FHOD3: variants seen among roughly 807,000 people sequenced by gnomAD.
FHOD3 encodes formin homology 2 domain containing 3.
In FHOD3, 90 loss-of-function variants were observed where a neutral mutation model predicts 173.0. The observed-to-expected ratio is 0.52, with a 90% CI of 0.44 to 0.62. The LOEUF (loss-of-function observed/expected upper bound fraction) is 0.62. FHOD3 is among the 20% of genes least tolerant of loss of function. The pLI is 0.00. For synonymous variants in FHOD3, 828 were observed against 823.0 expected (o/e 1.01, Z -0.10); for missense variants, 1,945 against 2,034.7 (o/e 0.96, Z 0.85).
intron 3 of FHOD3, among the ~76,000 whole-genome samples, chr18:36,438,724 C>T (rs1031967055): frequency 7.2e-5 from 11 of 152,318 alleles, no homozygotes; most frequent in African/African-American, 9.6e-5. Context: ...TGCCCTGCCT[C>T]GGCTCAGGCC....
At chr18:36,537,718 C>G (rs2057052966) in intron 5 of FHOD3, among the ~76,000 whole-genome samples, 1 of 152,150 alleles carries the variant, frequency 6.6e-6, no homozygotes, top group South Asian at 2.1e-4. Flanking sequence ...ACTGATAGAA[C>G]TGCAGAGAGA....
At chr18:36,327,422 G>T (rs375865386) in intron 1 of FHOD3, among the ~76,000 whole-genome samples, 6 of 152,202 alleles carry the variant, frequency 3.9e-5, no homozygotes, top group African/African-American at 9.6e-5. Context: ...GGCAAAAACC[G>T]CAATTACTTT....
At chr18:36,604,002 T>A (rs1406577999) in intron 8 of FHOD3, among the ~76,000 whole-genome samples, 2 of 152,190 alleles carry the variant, frequency 1.3e-5, no homozygotes, top group African/African-American at 4.8e-5. Flanking sequence ...CCTCTTGCTG[T>A]CATTCCTCCT....
chr18:36,688,043 T>G (rs1327124349), intron 16 of FHOD3, among the ~76,000 whole-genome samples: 1 of 152,172 alleles, frequency 6.6e-6, no homozygotes, highest in African/African-American at 2.4e-5. Context: ...AAAACTCTGG[T>G]GTTGATCAGT....
chr18:36,447,740 G>A (rs950946184), intron 3 of FHOD3, among the ~76,000 whole-genome samples: 4 of 152,292 alleles, frequency 2.6e-5, no homozygotes, highest in African/African-American at 7.2e-5. Flanking sequence ...AACTGCAACA[G>A]GTTAAGTTTA....
intron 10 of FHOD3, among the ~76,000 whole-genome samples, chr18:36,631,120 G>A (rs1236013922): frequency 6.6e-6 from 1 of 152,206 alleles, no homozygotes; most frequent in Non-Finnish European, 1.5e-5. Flanking sequence ...TGAGCTGCAG[G>A]GAGAAGTCTG....
chr18:36,587,277 T>C (rs1275748859), intron 6 of FHOD3, among the ~76,000 whole-genome samples: 2 of 151,894 alleles, frequency 1.3e-5, no homozygotes, highest in African/African-American at 2.4e-5. Flanking sequence ...TGCATGAGAG[T>C]TAGATGATAA....
rs755671156 is a variant in FHOD3 at position 36,717,881 on chromosome 18, C to T, written c.2583C>T (p.Gly861=). 1.1e-5 allele frequency: 17 copies of T among 1,609,678 alleles called. No homozygotes were observed. Among genetic ancestry groups the T allele is most frequent in the African/African-American group, 8.0e-5 (6 of 74,854 alleles). The change falls in exon 19 of 29, where the codon GGC becomes GGT. Residue 861 remains glycine (G), a synonymous_variant. Coordinates refer to ENST00000590592, the MANE Select transcript of FHOD3 (RefSeq NM_001281740.3). ...VQDAGVNGQC[G]DILTNKRFML... ...ATGCAGGTGTAAATGGACAGTGTGGCGACATCCTCACCAACAAACGGTTCA... is the reference window on the plus strand; with the variant it reads ...ATGCAGGTGTAAATGGACAGTGTGGTGACATCCTCACCAACAAACGGTTCA...
At chr18:36,323,332 A>G (rs1320322150) in intron 1 of FHOD3, among the ~76,000 whole-genome samples, 1 of 152,194 alleles carries the variant, frequency 6.6e-6, no homozygotes, top group African/African-American at 2.4e-5. Flanking sequence ...ACTGCACTAG[A>G]TGGGAATATC....
chr18:36,551,069 T>C (rs1034713099), intron 5 of FHOD3, among the ~76,000 whole-genome samples: 2 of 152,214 alleles, frequency 1.3e-5, no homozygotes, highest in African/African-American at 4.8e-5. Flanking sequence ...ATGTCCTTTA[T>C]CAAGTTGAGG....
chr18:36,414,191 G>A (rs530750696), intron 3 of FHOD3, among the ~76,000 whole-genome samples: 4 of 152,174 alleles, frequency 2.6e-5, no homozygotes, highest in East Asian at 1.9e-4. Flanking sequence ...TTGAGGACCC[G>A]TCATGTATCA....
intron 3 of FHOD3, among the ~76,000 whole-genome samples, chr18:36,442,282 T>G (rs1488701272): frequency 6.6e-6 from 1 of 152,152 alleles, no homozygotes; most frequent in African/African-American, 2.4e-5. Flanking sequence ...AGCAGTTGAT[T>G]TTTTTTTCCT....
intron 27 of FHOD3, among the ~76,000 whole-genome samples, chr18:36,762,899 T>G (rs1040812334): frequency 4.0e-5 from 6 of 148,216 alleles, no homozygotes; most frequent in Non-Finnish European, 7.4e-5. Flanking sequence ...ATATAATATG[T>G]GTATTATACA....
intron 3 of FHOD3, among the ~76,000 whole-genome samples, chr18:36,383,050 T>C (rs896946628): frequency 2.6e-5 from 4 of 152,072 alleles, no homozygotes; most frequent in African/African-American, 7.2e-5. Context: ...CCACGGGGAG[T>C]GCCCTGTCTG....
chr18:36,602,894 A>T, intron 8 of FHOD3, 126 bp downstream of exon 8: 1 of 732,074 alleles, frequency 1.4e-6, no homozygotes. Flanking sequence ...TCTGGTTGTG[A>T]GGGTGGGCTC....
chr18:36,547,663 G>A (rs1407852593), intron 5 of FHOD3, among the ~76,000 whole-genome samples: 1 of 152,142 alleles, frequency 6.6e-6, no homozygotes, highest in East Asian at 1.9e-4. Flanking sequence ...AACACGGGAG[G>A]GAGGAAACCT....
intron 3 of FHOD3, among the ~76,000 whole-genome samples, chr18:36,413,625 G>C (rs879576252): frequency 6.6e-6 from 1 of 152,170 alleles, no homozygotes; most frequent in East Asian, 1.9e-4. Flanking sequence ...AGGCAGCCTG[G>C]ATTTATGTGC....
chr18:36,524,281 C>CAAAAAAAAA (rs34510109), intron 5 of FHOD3, among the ~76,000 whole-genome samples: 2 of 111,932 alleles, frequency 1.8e-5, no homozygotes, highest in Non-Finnish European at 1.8e-5. Flanking sequence ...GGCTCTACCT[C>CAAAAAAAAA]AAAAAAAAAA....
At chr18:36,357,144 G>C (rs566682588) in intron 2 of FHOD3, among the ~76,000 whole-genome samples, 1 of 152,172 alleles carries the variant, frequency 6.6e-6, no homozygotes, top group Non-Finnish European at 1.5e-5. Flanking sequence ...TTCATGAATA[G>C]CTCAATTAAT....
Sources: allele counts gnomAD v4.1 joint callset (sites outside exome capture counted in the v4.1 genomes callset), GRCh38; gene constraint gnomAD v4.1.1; transcripts MANE v1.5; gene names NCBI Gene and HGNC (gene_info 2026-07-23, HGNC 2026-07-21).